IDS: variants seen among roughly 807,000 people sequenced by gnomAD.
IDS encodes the protein alpha-L-iduronate sulfate sulfatase.
IDS carries 1 observed loss-of-function variant against 33.5 expected under a neutral mutation model. The observed-to-expected ratio is 0.03, with a 90% CI of 0.01 to 0.14. IDS has a LOEUF of 0.14. Ranked by LOEUF, IDS falls within the 10% of genes least tolerant of loss-of-function variation. The pLI, the probability that IDS is intolerant of heterozygous loss-of-function variation, is 1.00. For missense variants in IDS, 328 were observed against 448.0 expected (o/e 0.73, Z 2.42); for synonymous variants, 191 against 184.4 (o/e 1.04, Z -0.29).
At position 149,498,318 on chromosome X, in the gene IDS, AAAAT is replaced by A; in HGVS notation, c.508-15_508-12del. On this transcript the variant is annotated splice_polypyrimidine_tract_variant and intron_variant, in intron 4 of 8. Transcript: ENST00000340855. ...TGGCCCTCGACATGTCTTTCAAAAC[AAAAT>A]AATATAACATCAGCTTTTTAAGTGC... is the stretch of plus-strand genomic sequence containing the variant. The A allele has an allele frequency of 1.7e-6, 2 of 1,183,581 alleles. No individual in the cohort carries two copies. The highest frequency in any genetic ancestry group is 2.3e-6 in the Non-Finnish European group (2 of 870,553).
At position 149,496,378 on chromosome X, in the gene IDS, C is replaced by T. The variant is rs2089436230; in HGVS notation, c.847G>A (p.Val283Met). ...REDVQALNIS[V>M]PYGPIPVDFQ... ...TCCACAGGAATTGGACCATACGGCA[C>T]ACTGATGTTTAAGGCTTGGACGTCT... Residue 283 changes from valine to methionine, a missense_variant, in exon 6 of 9, where the codon GTG becomes ATG. By Grantham distance (21) the Val-to-Met change is conservative. Around this residue, in one of 4 missense-constraint regions of IDS, gnomAD observed 265 missense variants for 339.2 expected, o/e 0.78. Coordinates refer to ENST00000340855, the MANE Select transcript of IDS (RefSeq NM_000202.8). The T allele has an allele frequency of 8.3e-7, 1 of 1,211,605 alleles. No individual in the cohort carries two copies. Among genetic ancestry groups the T allele is most frequent in the Non-Finnish European group, 1.1e-6 (1 of 895,303 alleles).
chrX:149,493,568 G>C (rs1231871477), intron 6 of IDS, among the ~76,000 whole-genome samples: 2 of 111,485 alleles, frequency 1.8e-5, no homozygotes, highest in African/African-American at 6.5e-5. Flanking sequence ...GGAGGGATGA[G>C]AGTGGATGGA....
At position 149,489,394 on chromosome X, in the gene IDS, T is replaced by A. The variant is rs782532398; in HGVS notation, c.1006+920A>T. ...TATAACATATATCCCTGTGTGCATA[T>A]GTGCACAACTGATGGCTGGCAGATG... On this transcript the variant is annotated intron_variant, in intron 7 of 8. Transcript: ENST00000340855. 3.6e-5 allele frequency among the ~76,000 whole-genome samples: 4 copies of A among 112,300 alleles called. No homozygotes were observed. In the South Asian group the frequency reaches 1.5e-3, roughly 42 times the overall value.
At chrX:149,487,523 C>T (rs781825079) in intron 7 of IDS, among the ~76,000 whole-genome samples, 38 of 111,896 alleles carry the variant, frequency 3.4e-4, no homozygotes, top group African/African-American at 1.2e-3. Context: ...GACTCATGCC[C>T]TACGAGGTCA....
intron 8 of IDS, among the ~76,000 whole-genome samples, chrX:149,483,677 C>A (rs1446643304): frequency 2.7e-5 from 3 of 112,205 alleles, no homozygotes; most frequent in African/African-American, 3.2e-5. Flanking sequence ...ACCATCGTAA[C>A]CACTTTTTAG....
At position 149,477,982 on chromosome X, in the gene IDS, C is replaced by G. The variant is rs1288278873; in HGVS notation, c.*4764G>C. On this transcript the variant is annotated 3_prime_UTR_variant, in exon 9 of 9. Transcript: ENST00000340855. The stretch of plus-strand genomic sequence containing the variant: ...CCTGGGTTCTACTTTAATCCCAGAT[C>G]CCAGGCCAGAATTCAAGAGATTCCT... 1 of 112,120 alleles carries G rather than the reference C, an allele frequency of 8.9e-6. No individual in the cohort carries two copies. The highest frequency in any genetic ancestry group is 1.9e-5 in the Non-Finnish European group (1 of 53,169). The allele number at this position is 112,120 out of a possible 1,213,427, so 9.2% of individuals were successfully genotyped here.
At chrX:149,486,044 T>C (rs1226485668) in intron 8 of IDS, among the ~76,000 whole-genome samples, 1 of 111,600 alleles carries the variant, frequency 9.0e-6, no homozygotes, top group Non-Finnish European at 1.9e-5. Flanking sequence ...GCATAGTTCA[T>C]AGAAGAGGCA....
intron 3 of IDS, chrX:149,502,109 C>T (rs1309957559): frequency 6.0e-6 from 2 of 330,587 alleles, no homozygotes; most frequent in Non-Finnish European, 1.2e-5. Context: ...CATCTTGAAG[C>T]AGGCCCAATG....
In IDS at chrX:149,492,478, T is replaced by C. The variant is rs183046237; in HGVS notation, c.880-2038A>G. On this transcript the variant is annotated intron_variant, in intron 6 of 8. Transcript: ENST00000340855. The stretch of plus-strand genomic sequence containing the variant: ...CAGAGCAGGTTGCATTTGGGGCCAA[T>C]GAAAGGCCCATGTGACTGGAGAATC... Among the ~76,000 whole-genome samples the C allele has an allele frequency of 3.6e-5, 4 of 110,941 alleles. No homozygotes were observed. In the Admixed American group the frequency reaches 3.8e-4, roughly 11 times the overall value.
At position 149,500,989 on chromosome X, in the gene IDS, G is replaced by T. The variant is rs145231211; in HGVS notation, c.467C>A (p.Pro156Gln). 1.3e-3 allele frequency: 1,590 copies of T among 1,179,632 alleles called. 10 individuals carry two copies. In the African/African-American group the frequency reaches 0.025, roughly 19 times the overall value. Residue 156 changes from proline (P) to glutamine (Q), a missense_variant, in exon 4 of 9, where the codon CCA becomes CAA. Transcript: ENST00000340855. ...TDDSPYSWSF[P>Q]PYHPSSEKYE... is the part of the protein sequence containing the mutation. Reference sequence around the variant, plus strand: ...CTTCTCAGAGGAAGGATGATAAGGTGGAAAAGACCAGCTATACGGAGAATC... The same window carrying T: ...CTTCTCAGAGGAAGGATGATAAGGTTGAAAAGACCAGCTATACGGAGAATC...
Position 149,480,039 on chromosome X carries a change from G to A in IDS, c.*2707C>T. 3.5e-6 allele frequency: 1 copy of A among 287,406 alleles called. No individual in the cohort carries two copies. Among genetic ancestry groups the A allele is most frequent in the Non-Finnish European group, 6.1e-6 (1 of 164,055 alleles). 23.7% of individuals were successfully genotyped at this position (287,406 alleles called of 1,213,427 possible). The stretch of plus-strand genomic sequence containing the variant: ...AATGAATGGGTGAAGAGAGGGATGG[G>A]ACAACCTAGTAGGAGGGAGGTAGGG... On this transcript the variant is annotated 3_prime_UTR_variant, in exon 9 of 9. Coordinates refer to ENST00000340855, the MANE Select transcript of IDS (RefSeq NM_000202.8).
At chrX:149,484,531 A>T (rs1447833582) in intron 8 of IDS, among the ~76,000 whole-genome samples, 3 of 112,639 alleles carry the variant, frequency 2.7e-5, no homozygotes, top group Admixed American at 1.9e-4. Context: ...CTTGTTGGCC[A>T]GGATGGTCTT....
chrX:149,482,859 A>G lies in IDS; in HGVS notation c.1540T>C (p.Phe514Leu), dbSNP rs1557337582. Residue 514 changes from phenylalanine to leucine, a missense_variant, in exon 9 of 9, where the codon TTT becomes CTT. Transcript: ENST00000340855. ...GFNPDEFLAN[F>L]SDIHAGELYF... ...AGTTCCCCTGCATGGATGTCAGAAA[A>G]GTTAGCTAGAAATTCATCAGGATTG... 8.3e-7 allele frequency: 1 copy of G among 1,212,065 alleles called. No homozygotes were observed. The highest frequency in any genetic ancestry group is 2.2e-5 in the Admixed American group (1 of 46,062).
intron 7 of IDS, chrX:149,487,357 T>C (rs1557338222): frequency 1.0e-6 from 1 of 991,040 alleles, no homozygotes; most frequent in Non-Finnish European, 1.4e-6. Flanking sequence ...CTCAAATATC[T>C]TAACAAACTA....
chrX:149,492,999 G>C (rs1557338894), intron 6 of IDS, among the ~76,000 whole-genome samples: 1 of 111,249 alleles, frequency 9.0e-6, no homozygotes, highest in African/African-American at 3.3e-5. Flanking sequence ...GAGGAGGAAG[G>C]AGAAAAGGCA....
intron 8 of IDS, among the ~76,000 whole-genome samples, chrX:149,483,513 C>G (rs1156281259): frequency 1.8e-5 from 2 of 111,352 alleles, no homozygotes; most frequent in Non-Finnish European, 3.8e-5. Flanking sequence ...CAAGGATCAT[C>G]AATTAAGGCT....
chrX:149,501,379 G>A (rs1557339968), intron 3 of IDS, among the ~76,000 whole-genome samples: 1 of 111,973 alleles, frequency 8.9e-6, no homozygotes, highest in Non-Finnish European at 1.9e-5. Flanking sequence ...GCCGATGGGG[G>A]CAGGAGAGGG....
At chrX:149,500,104 T>G (rs781858074) in intron 4 of IDS, among the ~76,000 whole-genome samples, 7 of 111,472 alleles carry the variant, frequency 6.3e-5, no homozygotes, top group African/African-American at 2.3e-4. Context: ...GAGGGAGATT[T>G]AGTATTGTCA....
In IDS at chrX:149,490,346, T is replaced by C. The variant is rs202218431; in HGVS notation, c.974A>G (p.Asn325Ser). 10 of 1,209,467 alleles carry C rather than the reference T, an allele frequency of 8.3e-6. No individual in the cohort carries two copies. The East Asian group carries it at 2.7e-4, about 32-fold the overall frequency. The change falls in exon 7 of 9, where the codon AAC becomes AGC. Residue 325 changes from asparagine to serine, a missense_variant. By Grantham distance (46) the Asn-to-Ser change is conservative. This residue lies in a region of IDS where 265 missense variants were observed against 339.2 expected (regional missense o/e 0.78). Transcript: ENST00000340855. The stretch of plus-strand genomic sequence containing the variant: ...CGAGGTAAATGCAATGATGGTGCTG[T>C]TGGCCAGCTGAAGATCGTCCAAAGC... ...LSALDDLQLA[N>S]STIIAFTSDH... is the part of the protein sequence containing the mutation.
Sources: gnomAD v4.1 joint callset for allele counts (sites outside exome capture counted in the v4.1 genomes callset) on GRCh38, gnomAD v4.1.1 for gene constraint, gnomAD v4.1.1 regional missense constraint, MANE v1.5 for transcripts, NCBI Gene and HGNC (gene_info 2026-07-23, HGNC 2026-07-21) for gene names.